CNTNAP2: variants seen among roughly 807,000 people sequenced by gnomAD.
The protein encoded by CNTNAP2 is contactin associated protein 2.
A neutral mutation model predicts 155.2 loss-of-function variants in CNTNAP2; 98 were observed. That is an observed-to-expected ratio of 0.63 (90% CI 0.54 to 0.75). The LOEUF (loss-of-function observed/expected upper bound fraction) is 0.75. Among genes scored for constraint, CNTNAP2 ranks in the 30% least tolerant of loss-of-function variants. CNTNAP2 has a pLI of 0.00. For missense variants in CNTNAP2, 1,727 were observed against 1,688.1 expected, an observed-to-expected ratio of 1.02 and a Z score of -0.40; for synonymous variants, 651 against 631.2, an observed-to-expected ratio of 1.03 and a Z score of -0.47.
At chr7:147,890,977 A>C (rs1563125438) in intron 13 of CNTNAP2, among the ~76,000 whole-genome samples, 1 of 152,238 alleles carries the variant, frequency 6.6e-6, no homozygotes, top group Non-Finnish European at 1.5e-5. Flanking sequence ...GCGTATGTTC[A>C]TTAGCTCCAC....
intron 12 of CNTNAP2, among the ~76,000 whole-genome samples, chr7:147,572,731 C>T (rs1332243498): frequency 7.3e-6 from 1 of 136,974 alleles, no homozygotes; most frequent in African/African-American, 2.7e-5. Flanking sequence ...CACACACACA[C>T]ACATGTTGGG....
intron 18 of CNTNAP2, among the ~76,000 whole-genome samples, chr7:148,193,275 C>T (rs550930342): frequency 6.4e-4 from 97 of 152,230 alleles, no homozygotes; most frequent in African/African-American, 2.3e-3. Flanking sequence ...ATCTCCACTC[C>T]ACTCCCCACA....
intron 3 of CNTNAP2, among the ~76,000 whole-genome samples, chr7:146,994,449 GA>G (rs1250134233): frequency 1.3e-5 from 2 of 152,030 alleles, no homozygotes; most frequent in East Asian, 1.9e-4. Flanking sequence ...TGATGATTAG[GA>G]AAGCAATTTT....
intron 1 of CNTNAP2, among the ~76,000 whole-genome samples, chr7:146,277,856 A>G (rs1013939374): frequency 1.3e-5 from 2 of 152,200 alleles, no homozygotes; most frequent in Non-Finnish European, 2.9e-5. Flanking sequence ...TCCCTGGCAT[A>G]TCTTGAAAGT....
In CNTNAP2 at chr7:147,409,930, AAG is replaced by A. The variant is rs376941654; in HGVS notation, c.1670+14151_1670+14152del. ...AATACTGGCAATGCTTTGGGAAAAA[AAG>A]GAATGCTTATACACTACCGGTGGAA... is the stretch of plus-strand genomic sequence containing the variant. On this transcript the variant is annotated intron_variant, in intron 10 of 23. Transcript: ENST00000361727. Among the ~76,000 whole-genome samples the A allele has an allele frequency of 1.8e-4, 28 of 152,336 alleles. 2 individuals carry two copies. Among genetic ancestry groups the A allele is most frequent in the African/African-American group, 6.7e-4 (28 of 41,572 alleles).
rs529722253 is a variant in CNTNAP2 at position 148,099,738 on chromosome 7, T to C, written c.2384-18380T>C. Among the ~76,000 whole-genome samples, 52 of 152,024 alleles carry C rather than the reference T, an allele frequency of 3.4e-4. 1 individual carries two copies. The highest frequency in any genetic ancestry group is 1.2e-3 in the African/African-American group (48 of 41,448). ...ATGAGGAGCATCAAAAACCAGTTAGTTCCTAGCATAGCACACAGCACTCTT... is the reference window on the plus strand; with the variant it reads ...ATGAGGAGCATCAAAAACCAGTTAGCTCCTAGCATAGCACACAGCACTCTT... On this transcript the variant is annotated intron_variant, in intron 15 of 23. Transcript: ENST00000361727.
intron 13 of CNTNAP2, among the ~76,000 whole-genome samples, chr7:147,770,178 C>T (rs577166313): frequency 3.5e-4 from 54 of 152,294 alleles, no homozygotes; most frequent in Non-Finnish European, 6.2e-4. Context: ...CCAAGGTAAA[C>T]GTCTTGCTGT....
At chr7:147,808,040 T>G (rs557127774) in intron 13 of CNTNAP2, among the ~76,000 whole-genome samples, 1 of 152,206 alleles carries the variant, frequency 6.6e-6, no homozygotes, top group South Asian at 2.1e-4. Flanking sequence ...TGTAAATAAA[T>G]TTTGACTTGA....
At chr7:146,383,851 T>C (rs1485925566) in intron 1 of CNTNAP2, among the ~76,000 whole-genome samples, 1 of 152,210 alleles carries the variant, frequency 6.6e-6, no homozygotes, top group East Asian at 1.9e-4. Context: ...AGAGTTATCA[T>C]ATCTAGAGTC....
At chr7:146,884,261 A>C (rs1472714033) in intron 3 of CNTNAP2, among the ~76,000 whole-genome samples, 1 of 152,110 alleles carries the variant, frequency 6.6e-6, no homozygotes, top group Non-Finnish European at 1.5e-5. Context: ...GGTTGAAAAA[A>C]ATTTGCATAT....
chr7:146,918,869 C>G (rs1475019980), intron 3 of CNTNAP2, among the ~76,000 whole-genome samples: 1 of 152,120 alleles, frequency 6.6e-6, no homozygotes, highest in Admixed American at 6.6e-5. Flanking sequence ...GAGGTTTGCT[C>G]CTTTTTTAAA....
chr7:146,877,030 G>A (rs1160095978), intron 3 of CNTNAP2, among the ~76,000 whole-genome samples: 1 of 152,100 alleles, frequency 6.6e-6, no homozygotes, highest in Non-Finnish European at 1.5e-5. Context: ...CATTAAGCAT[G>A]TAAGAAATGA....
At chr7:146,607,014 G>A (rs1369823634) in intron 1 of CNTNAP2, among the ~76,000 whole-genome samples, 1 of 152,100 alleles carries the variant, frequency 6.6e-6, no homozygotes, top group Non-Finnish European at 1.5e-5. Flanking sequence ...GCTATTATGA[G>A]AAATCAATAA....
At chr7:146,966,003 T>C (rs1797650895) in intron 3 of CNTNAP2, among the ~76,000 whole-genome samples, 1 of 152,224 alleles carries the variant, frequency 6.6e-6, no homozygotes, top group African/African-American at 2.4e-5. Flanking sequence ...CTTCTCTTAG[T>C]GAAGTGGAAG....
intron 13 of CNTNAP2, among the ~76,000 whole-genome samples, chr7:147,875,389 A>T (rs1226778767): frequency 1.3e-5 from 2 of 152,156 alleles, no homozygotes. Context: ...AAATCAACAG[A>T]TCGTGTGAGA....
At chr7:146,558,693 A>G (rs1482674037) in intron 1 of CNTNAP2, among the ~76,000 whole-genome samples, 1 of 152,200 alleles carries the variant, frequency 6.6e-6, no homozygotes, top group Non-Finnish European at 1.5e-5. Flanking sequence ...TGGATACTGT[A>G]TCTCTAAGAC....
intron 13 of CNTNAP2, among the ~76,000 whole-genome samples, chr7:147,670,809 A>G (rs115052597): frequency 0.011 from 1,697 of 152,218 alleles, 27 homozygotes; most frequent in African/African-American, 0.038. Context: ...GGATACCACT[A>G]GTGTGGATAA....
At chr7:148,387,735 T>A (rs1045742411) in intron 22 of CNTNAP2, among the ~76,000 whole-genome samples, 4 of 148,574 alleles carry the variant, frequency 2.7e-5, no homozygotes, top group African/African-American at 9.7e-5. Flanking sequence ...CCTGGGGAGC[T>A]TTTTAAAACC....
In CNTNAP2 at chr7:147,077,330, A is replaced by G. The variant is rs147239811; in HGVS notation, c.551-30817A>G. On this transcript the variant is annotated intron_variant, in intron 4 of 23. Transcript: ENST00000361727. Reference sequence around the variant, plus strand: ...TAATTCTTTTCTCTTTGGTATCTGGAGAAAGTGAATGCAATTATGATTAGC... The same window carrying G: ...TAATTCTTTTCTCTTTGGTATCTGGGGAAAGTGAATGCAATTATGATTAGC... Among the ~76,000 whole-genome samples the G allele has an allele frequency of 2.9e-3, 440 of 152,282 alleles. 3 individuals are homozygous for G. The highest frequency in any genetic ancestry group is 0.01 in the African/African-American group (416 of 41,570).
Sources: gnomAD v4.1 joint callset for allele counts (sites outside exome capture counted in the v4.1 genomes callset) on GRCh38, gnomAD v4.1.1 for gene constraint, MANE v1.5 for transcripts, NCBI Gene and HGNC (gene_info 2026-07-23, HGNC 2026-07-21) for gene names.